The following CSMD3 variants were observed in gnomAD, a reference collection of about 807,000 sequenced individuals.
CSMD3 encodes the protein CUB and sushi domain-containing protein 3.
A neutral mutation model predicts 435.2 loss-of-function variants in CSMD3; 177 were observed. The ratio of observed to expected loss-of-function variants is 0.41; its 90% CI spans 0.36 to 0.46. The LOEUF (loss-of-function observed/expected upper bound fraction) is 0.46. Ranked by LOEUF, CSMD3 falls within the 20% of genes least tolerant of loss-of-function variation. The pLI is 0.34. For missense variants in CSMD3, 4,265 were observed against 4,504.6 expected (o/e 0.95, Z 1.52); for synonymous variants, 1,656 against 1,520.5 (o/e 1.09, Z -2.07).
chr8:113,178,386 C>G (rs2092377476), intron 3 of CSMD3, among the ~76,000 whole-genome samples: 1 of 151,870 alleles, frequency 6.6e-6, no homozygotes, highest in Non-Finnish European at 1.5e-5. Flanking sequence ...CTACAAAAGG[C>G]AGATATTCAT....
At chr8:112,693,159 A>G (rs992759060) in intron 13 of CSMD3, among the ~76,000 whole-genome samples, 4 of 152,098 alleles carry the variant, frequency 2.6e-5, no homozygotes, top group Admixed American at 6.6e-5. Flanking sequence ...CCATGAATGC[A>G]TGTATTCCAT....
intron 53 of CSMD3, among the ~76,000 whole-genome samples, chr8:112,297,441 A>G (rs1190210502): frequency 2.6e-5 from 4 of 152,102 alleles, no homozygotes. Context: ...ATGAAAAATT[A>G]CTGTAATTTT....
At chr8:112,603,019 A>C (rs1586784643) in intron 22 of CSMD3, among the ~76,000 whole-genome samples, 1 of 152,298 alleles carries the variant, frequency 6.6e-6, no homozygotes, top group East Asian at 1.9e-4. Flanking sequence ...CTGGGACTAC[A>C]GGAGCATGCC....
chr8:112,231,520 G>A (rs780822580), intron 69 of CSMD3, 25 bp downstream of exon 69: 24 of 1,384,062 alleles, frequency 1.7e-5, no homozygotes, highest in Admixed American at 3.4e-5. Flanking sequence ...ACAGAAGTTC[G>A]TGAAAATCAA....
At chr8:113,037,943 C>A (rs2087430998) in intron 5 of CSMD3, among the ~76,000 whole-genome samples, 1 of 152,038 alleles carries the variant, frequency 6.6e-6, no homozygotes, top group Non-Finnish European at 1.5e-5. Flanking sequence ...TGGGGTGGCA[C>A]CAAGGGTCAT....
rs1393828513 is a variant in CSMD3 at position 112,956,949 on chromosome 8, A to G, written c.1343-2188T>C. Among the ~76,000 whole-genome samples, 7 of 152,270 alleles carry G rather than the reference A, an allele frequency of 4.6e-5. No individual in the cohort carries two copies. In the South Asian group the frequency reaches 1.2e-3, roughly 27 times the overall value. Reference sequence around the variant, plus strand: ...AGGAGAATATCCATTTTTGGACATGACAAAGTGTGAATTAACAACATAAAA... The same window carrying G: ...AGGAGAATATCCATTTTTGGACATGGCAAAGTGTGAATTAACAACATAAAA... On this transcript the variant is annotated intron_variant, in intron 7 of 70. Transcript: ENST00000297405.
chr8:113,161,576 T>C (rs1236199591), intron 4 of CSMD3, among the ~76,000 whole-genome samples: 1 of 152,082 alleles, frequency 6.6e-6, no homozygotes, highest in Non-Finnish European at 1.5e-5. Context: ...CTTTTTGTGG[T>C]CTGCCAAAAT....
At chr8:112,971,822 C>A (rs977928838) in intron 7 of CSMD3, among the ~76,000 whole-genome samples, 1 of 151,712 alleles carries the variant, frequency 6.6e-6, no homozygotes, top group Admixed American at 6.6e-5. Context: ...GAGGAGACTG[C>A]AAATAATTTT....
chr8:112,259,363 T>A (rs1362767036), intron 61 of CSMD3, among the ~76,000 whole-genome samples: 1 of 152,048 alleles, frequency 6.6e-6, no homozygotes, highest in Non-Finnish European at 1.5e-5. Context: ...CACAGCATAT[T>A]CTCACTCATA....
At chr8:112,917,465 G>C (rs2082606729) in intron 10 of CSMD3, among the ~76,000 whole-genome samples, 1 of 151,738 alleles carries the variant, frequency 6.6e-6, no homozygotes, top group Non-Finnish European at 1.5e-5. Flanking sequence ...TGGCAATTCT[G>C]TTTATTATTG....
chr8:113,004,574 T>C (rs1179792695), intron 6 of CSMD3, among the ~76,000 whole-genome samples: 7 of 151,986 alleles, frequency 4.6e-5, no homozygotes, highest in Admixed American at 1.3e-4. Flanking sequence ...TCAGTGGTTG[T>C]AGGAAGATGA....
At chr8:112,773,115 C>A (rs1343019827) in intron 13 of CSMD3, among the ~76,000 whole-genome samples, 1 of 151,930 alleles carries the variant, frequency 6.6e-6, no homozygotes, top group Non-Finnish European at 1.5e-5. Flanking sequence ...ACGAGAAACG[C>A]TTACAGGTGT....
chr8:112,735,730 G>T (rs1419384094), intron 13 of CSMD3, among the ~76,000 whole-genome samples: 2 of 151,860 alleles, frequency 1.3e-5, no homozygotes, highest in African/African-American at 2.4e-5. Context: ...AAAAATACAT[G>T]TTTCAGGCAA....
intron 1 of CSMD3, among the ~76,000 whole-genome samples, chr8:113,425,935 T>C (rs996542350): frequency 2.0e-5 from 3 of 151,558 alleles, no homozygotes; most frequent in Non-Finnish European, 3.0e-5. Context: ...TTCAGCTGTT[T>C]TGATTTATGC....
At chr8:112,989,911 A>G (rs774731679) in intron 6 of CSMD3, among the ~76,000 whole-genome samples, 1 of 151,992 alleles carries the variant, frequency 6.6e-6, no homozygotes, top group Non-Finnish European at 1.5e-5. Context: ...AGATGGAGAT[A>G]ATTGAATCAT....
intron 6 of CSMD3, among the ~76,000 whole-genome samples, chr8:113,004,485 C>A (rs1208434562): frequency 6.6e-6 from 1 of 151,970 alleles, no homozygotes; most frequent in Non-Finnish European, 1.5e-5. Context: ...CAATGTAGAG[C>A]AGGCTTAAAA....
chr8:112,724,441 T>C (rs1302020411), intron 13 of CSMD3, among the ~76,000 whole-genome samples: 1 of 152,028 alleles, frequency 6.6e-6, no homozygotes, highest in Admixed American at 6.6e-5. Flanking sequence ...TGCTAATAAA[T>C]CATGAAATGA....
chr8:112,919,988 G>A (rs2082686782), intron 10 of CSMD3, among the ~76,000 whole-genome samples: 1 of 151,802 alleles, frequency 6.6e-6, no homozygotes, highest in African/African-American at 2.4e-5. Context: ...TTAAAGAGAA[G>A]AAGAGCTAGA....
chr8:112,994,121 G>A (rs2085556140), intron 6 of CSMD3, among the ~76,000 whole-genome samples: 1 of 151,596 alleles, frequency 6.6e-6, no homozygotes, highest in South Asian at 2.1e-4. Flanking sequence ...AATGGAAAAT[G>A]GGTTGACTCA....
Sources: gnomAD v4.1 joint callset for allele counts (sites outside exome capture counted in the v4.1 genomes callset) on GRCh38, gnomAD v4.1.1 for gene constraint, MANE v1.5 for transcripts, NCBI Gene and HGNC (gene_info 2026-07-23, HGNC 2026-07-21) for gene names.